Variants in PTPRR observed in about 807,000 individuals in gnomAD.
PTPRR encodes the protein protein tyrosine phosphatase receptor type R.
In PTPRR, 38 loss-of-function variants were observed where a neutral mutation model predicts 77.2. The ratio of observed to expected loss-of-function variants is 0.49; its 90% CI spans 0.38 to 0.65. The LOEUF (loss-of-function observed/expected upper bound fraction) is 0.65. PTPRR is among the 30% of genes least tolerant of loss of function. The pLI is 0.00. For synonymous variants in PTPRR, 299 were observed against 283.1 expected, an observed-to-expected ratio of 1.06 and a Z score of -0.57; for missense variants, 744 against 799.2, an observed-to-expected ratio of 0.93 and a Z score of 0.83.
intron 2 of PTPRR, among the ~76,000 whole-genome samples, chr12:70,885,501 A>G (rs1191645521): frequency 2.0e-5 from 3 of 151,364 alleles, no homozygotes; most frequent in Non-Finnish European, 2.9e-5. Context: ...ATATAGAGAG[A>G]GCAAGATTAC....
chr12:70,681,981 C>T (rs1032160810), intron 10 of PTPRR, among the ~76,000 whole-genome samples: 1 of 148,502 alleles, frequency 6.7e-6, no homozygotes, highest in Admixed American at 6.7e-5. Context: ...CAGACTTAGG[C>T]GAATTTCTTA....
chr12:70,802,483 G>A (rs1261197836), intron 2 of PTPRR, among the ~76,000 whole-genome samples: 1 of 152,168 alleles, frequency 6.6e-6, no homozygotes, highest in Admixed American at 6.5e-5. Context: ...GGCAATGACA[G>A]GGCAGTGATT....
intron 2 of PTPRR, among the ~76,000 whole-genome samples, chr12:70,775,847 G>C (rs1891076120): frequency 6.6e-6 from 1 of 152,008 alleles, no homozygotes; most frequent in African/African-American, 2.4e-5. Flanking sequence ...GGAATGGCAA[G>C]AGATTTCCAG....
At chr12:70,739,482 G>A (rs1450960105) in intron 6 of PTPRR, among the ~76,000 whole-genome samples, 1 of 152,180 alleles carries the variant, frequency 6.6e-6, no homozygotes, top group Non-Finnish European at 1.5e-5. Flanking sequence ...TTTAGAAACA[G>A]ACGAGATCTT....
At chr12:70,750,079 T>A (rs1890341006) in intron 5 of PTPRR, among the ~76,000 whole-genome samples, 1 of 152,208 alleles carries the variant, frequency 6.6e-6, no homozygotes, top group South Asian at 2.1e-4. Context: ...CACTGCACAT[T>A]CACATTTGTG....
intron 8 of PTPRR, among the ~76,000 whole-genome samples, chr12:70,695,780 C>G (rs571124645): frequency 6.6e-6 from 1 of 152,032 alleles, no homozygotes. Flanking sequence ...AATTCTAACA[C>G]GCAGCACTTT....
At chr12:70,839,155 T>C (rs142207548) in intron 2 of PTPRR, among the ~76,000 whole-genome samples, 113 of 152,270 alleles carry the variant, frequency 7.4e-4, no homozygotes, top group African/African-American at 2.6e-3. Context: ...TAAAACATAA[T>C]AGAGCTGCTA....
At chr12:70,652,867 TGGAG>T (rs1886446253) in intron 13 of PTPRR, among the ~76,000 whole-genome samples, 1 of 151,968 alleles carries the variant, frequency 6.6e-6, no homozygotes, top group Non-Finnish European at 1.5e-5. Context: ...GAACCCAAGG[TGGAG>T]GTCAGGCTAT....
intron 8 of PTPRR, among the ~76,000 whole-genome samples, chr12:70,690,449 C>T (rs996634967): frequency 1.3e-5 from 2 of 152,112 alleles, no homozygotes; most frequent in African/African-American, 2.4e-5. Flanking sequence ...ATAATTATCA[C>T]GATCTATAAA....
At chr12:70,698,413 G>C (rs1888308268) in intron 7 of PTPRR, 64 bp from the exon 8 acceptor site, 5 of 1,399,168 alleles carry the variant, frequency 3.6e-6, no homozygotes, top group South Asian at 1.2e-5. Context: ...TCTTCACAGG[G>C]GGGCATCTGA....
At chr12:70,858,977 C>G (rs1892701173) in intron 2 of PTPRR, among the ~76,000 whole-genome samples, 1 of 147,744 alleles carries the variant, frequency 6.8e-6, no homozygotes, top group Non-Finnish European at 1.5e-5. Flanking sequence ...TACATTGGCT[C>G]TAACAGGAAG....
At chr12:70,778,407 T>A (rs987601213) in intron 2 of PTPRR, among the ~76,000 whole-genome samples, 4 of 152,198 alleles carry the variant, frequency 2.6e-5, no homozygotes, top group Non-Finnish European at 5.9e-5. Context: ...GGTATGCCGT[T>A]ATAGTCTACA....
intron 2 of PTPRR, among the ~76,000 whole-genome samples, chr12:70,776,174 G>A (rs1034384410): frequency 6.6e-6 from 1 of 151,962 alleles, no homozygotes; most frequent in Non-Finnish European, 1.5e-5. Context: ...AATGGAATGA[G>A]CTATCATATT....
chr12:70,754,052 T>C (rs1890489001), intron 5 of PTPRR, 139 bp downstream of exon 5: 2 of 826,856 alleles, frequency 2.4e-6, no homozygotes, highest in South Asian at 3.8e-5. Flanking sequence ...ATGTCAGATA[T>C]GAAATATTCC....
At chr12:70,670,344 G>A (rs776171999) in intron 10 of PTPRR, among the ~76,000 whole-genome samples, 1 of 152,184 alleles carries the variant, frequency 6.6e-6, no homozygotes. Context: ...TTGGGGCAAT[G>A]ATTAAGTGCC....
chr12:70,780,486 A>G (rs961774132), intron 2 of PTPRR, among the ~76,000 whole-genome samples: 10 of 152,104 alleles, frequency 6.6e-5, no homozygotes, highest in African/African-American at 2.4e-4. Context: ...AATAAGGATT[A>G]TTTATTTTGG....
chr12:70,748,272 A>G (rs758571693), intron 5 of PTPRR, among the ~76,000 whole-genome samples: 38 of 152,182 alleles, frequency 2.5e-4, no homozygotes, highest in Non-Finnish European at 4.7e-4. Flanking sequence ...ACTTCCAGGT[A>G]TGTGATCATT....
At chr12:70,710,833 T>A (rs1888801111) in intron 6 of PTPRR, among the ~76,000 whole-genome samples, 1 of 151,804 alleles carries the variant, frequency 6.6e-6, no homozygotes, top group Admixed American at 6.6e-5. Context: ...GAAACGCAAA[T>A]CAAAACCATA....
chr12:70,749,539 C>T (rs192513533), intron 5 of PTPRR, among the ~76,000 whole-genome samples: 22 of 152,254 alleles, frequency 1.4e-4, no homozygotes, highest in Admixed American at 1.2e-3. Context: ...AGATATATGC[C>T]TACCTAACCA....
Sources: allele counts gnomAD v4.1 joint callset (sites outside exome capture counted in the v4.1 genomes callset), GRCh38; gene constraint gnomAD v4.1.1; transcripts MANE v1.5; gene names NCBI Gene and HGNC (gene_info 2026-07-23, HGNC 2026-07-21).